TBL1XR1: variants seen among roughly 807,000 people sequenced by gnomAD.
TBL1XR1 encodes TBL1X/Y related 1.
In TBL1XR1, 5 loss-of-function variants were observed where a neutral mutation model predicts 66.9. The observed-to-expected ratio is 0.07, with a 90% CI of 0.04 to 0.16. The LOEUF is 0.16. Among genes scored for constraint, TBL1XR1 ranks in the 10% least tolerant of loss-of-function variants. The pLI is 1.00. For synonymous variants in TBL1XR1, 210 were observed against 206.0 expected (o/e 1.02, Z -0.17); for missense variants, 238 against 623.2 (o/e 0.38, Z 6.58).
intron 1 of TBL1XR1, among the ~76,000 whole-genome samples, chr3:177,101,046 G>A (rs1329797234): frequency 6.6e-6 from 1 of 151,998 alleles, no homozygotes; most frequent in African/African-American, 2.4e-5. Flanking sequence ...AGTAGAGACG[G>A]GGGTCTCTCC....
chr3:177,116,620 A>C (rs1262106675), intron 1 of TBL1XR1, among the ~76,000 whole-genome samples: 1 of 152,180 alleles, frequency 6.6e-6, no homozygotes, highest in African/African-American at 2.4e-5. Flanking sequence ...CCGAGAACAT[A>C]TGGGATAGAA....
chr3:177,058,112 G>A (rs1467768340), intron 3 of TBL1XR1, among the ~76,000 whole-genome samples: 2 of 152,152 alleles, frequency 1.3e-5, no homozygotes, highest in African/African-American at 4.8e-5. Context: ...TATGGTACAG[G>A]ATGACTAGAT....
At chr3:177,144,292 C>G (rs768141196) in intron 1 of TBL1XR1, among the ~76,000 whole-genome samples, 1 of 152,042 alleles carries the variant, frequency 6.6e-6, no homozygotes, top group Non-Finnish European at 1.5e-5. Context: ...ATTTTTGACT[C>G]ATGGCACTGA....
chr3:177,173,259 T>G lies in TBL1XR1; in HGVS notation c.-122+23862A>C, dbSNP rs80103178. Among the ~76,000 whole-genome samples the G allele has an allele frequency of 2.1e-3, 325 of 152,294 alleles. 2 individuals carry two copies. Among genetic ancestry groups the G allele is most frequent in the African/African-American group, 7.5e-3 (312 of 41,542 alleles). ...GTGATTTTAACATATGTCCACAAAT[T>G]TTCCATGCTTTTCCCTCTAGTACGT... On this transcript the variant is annotated intron_variant, in intron 1 of 15. Coordinates refer to ENST00000457928, the MANE Select transcript of TBL1XR1 (RefSeq NM_024665.7).
chr3:177,161,202 G>A (rs1404795926), intron 1 of TBL1XR1, among the ~76,000 whole-genome samples: 1 of 151,994 alleles, frequency 6.6e-6, no homozygotes, highest in Non-Finnish European at 1.5e-5. Flanking sequence ...CTGTTTCTCT[G>A]ACTGTTTTGC....
chr3:177,111,650 C>G (rs1577199767), intron 1 of TBL1XR1, among the ~76,000 whole-genome samples: 1 of 152,236 alleles, frequency 6.6e-6, no homozygotes, highest in Middle Eastern at 3.4e-3. Flanking sequence ...GGCACCCAAT[C>G]CACGAAGGAT....
upstream of TBL1XR1, among the ~76,000 whole-genome samples, chr3:177,198,556 C>T (rs1737223633): frequency 6.6e-6 from 1 of 152,026 alleles, no homozygotes; most frequent in African/African-American, 2.4e-5. Flanking sequence ...AAGGGAGGCA[C>T]CTCACAGGTT....
intron 1 of TBL1XR1, among the ~76,000 whole-genome samples, chr3:177,127,316 T>C (rs532006663): frequency 1.3e-5 from 2 of 152,332 alleles, no homozygotes; most frequent in African/African-American, 4.8e-5. Context: ...TTTAAAATTA[T>C]CTGTAATTCT....
intron 1 of TBL1XR1, among the ~76,000 whole-genome samples, chr3:177,101,566 G>T (rs1369050115): frequency 6.6e-6 from 1 of 152,136 alleles, no homozygotes; most frequent in Non-Finnish European, 1.5e-5. Flanking sequence ...GAGCAAAAGG[G>T]ACCTGAGCTG....
intron 1 of TBL1XR1, among the ~76,000 whole-genome samples, chr3:177,137,141 G>A (rs1285428560): frequency 6.6e-6 from 1 of 152,214 alleles, no homozygotes; most frequent in Non-Finnish European, 1.5e-5. Flanking sequence ...GGGGGGGAAA[G>A]ATGACTGATT....
At chr3:177,051,379 T>C in intron 5 of TBL1XR1, 125 bp downstream of exon 5, 1 of 841,156 alleles carries the variant, frequency 1.2e-6, no homozygotes, top group Non-Finnish European at 1.8e-6. Context: ...AAATAGTCTG[T>C]ACAACAAACC....
chr3:177,167,200 G>A (rs766435706), intron 1 of TBL1XR1, among the ~76,000 whole-genome samples: 2 of 152,174 alleles, frequency 1.3e-5, no homozygotes, highest in Non-Finnish European at 2.9e-5. Flanking sequence ...AAAGGACATG[G>A]AGGAATCTTA....
chr3:177,176,392 T>C (rs1734157055), intron 1 of TBL1XR1, among the ~76,000 whole-genome samples: 2 of 151,744 alleles, frequency 1.3e-5, no homozygotes, highest in South Asian at 2.1e-4. Flanking sequence ...AGACGGAATT[T>C]CACCATGTTG....
chr3:177,092,960 A>C (rs1723018316), intron 2 of TBL1XR1, among the ~76,000 whole-genome samples: 1 of 152,166 alleles, frequency 6.6e-6, no homozygotes. Flanking sequence ...TGGAAGTCCT[A>C]GCCAGAGCAA....
intron 1 of TBL1XR1, among the ~76,000 whole-genome samples, chr3:177,114,592 A>C (rs1577210290): frequency 1.3e-5 from 2 of 151,928 alleles, no homozygotes; most frequent in East Asian, 3.9e-4. Flanking sequence ...GAGCCACCAC[A>C]CCCAGCCAAT....
chr3:177,083,125 A>G (rs1721650091), intron 2 of TBL1XR1, among the ~76,000 whole-genome samples: 1 of 152,172 alleles, frequency 6.6e-6, no homozygotes. Flanking sequence ...CACTGAAAAA[A>G]GTGTCCTAAG....
chr3:177,146,922 T>A (rs1360569204), intron 1 of TBL1XR1, among the ~76,000 whole-genome samples: 1 of 152,198 alleles, frequency 6.6e-6, no homozygotes, highest in African/African-American at 2.4e-5. Context: ...ATCATACTTT[T>A]GCATTCACAA....
At chr3:177,098,208 G>T (rs919574416) in intron 2 of TBL1XR1, among the ~76,000 whole-genome samples, 1 of 134,708 alleles carries the variant, frequency 7.4e-6, no homozygotes, top group Non-Finnish European at 1.6e-5. Flanking sequence ...ACGAAACTCC[G>T]TCTCAAAAAA....
chr3:177,103,637 TAG>T (rs1724509245), intron 1 of TBL1XR1, among the ~76,000 whole-genome samples: 1 of 152,184 alleles, frequency 6.6e-6, no homozygotes, highest in Non-Finnish European at 1.5e-5. Flanking sequence ...ATTTAATTTA[TAG>T]ATAACTTTGA....
Sources: allele counts gnomAD v4.1 joint callset (sites outside exome capture counted in the v4.1 genomes callset), GRCh38; gene constraint gnomAD v4.1.1; transcripts MANE v1.5; gene names NCBI Gene and HGNC (gene_info 2026-07-23, HGNC 2026-07-21).